CBR4: variants seen among roughly 807,000 people sequenced by gnomAD.
CBR4 encodes the protein 3-oxoacyl-[acyl-carrier-protein] reductase.
CBR4 carries 22 observed loss-of-function variants against 21.0 expected under a neutral mutation model. The ratio of observed to expected loss-of-function variants is 1.05; its 90% CI spans 0.75 to 1.50. The LOEUF is 1.50. Ranked by LOEUF, CBR4 falls within the 40% of genes most tolerant of loss-of-function variation. The pLI is 0.00. For missense variants in CBR4, 302 were observed against 286.3 expected (o/e 1.05, Z -0.40); for synonymous variants, 100 against 104.4 (o/e 0.96, Z 0.26).
chr4:168,929,577 A>C (rs1405982391), intron 2 of CBR4, among the ~76,000 whole-genome samples: 1 of 152,138 alleles, frequency 6.6e-6, no homozygotes, highest in Non-Finnish European at 1.5e-5. Flanking sequence ...CATCATGTAA[A>C]TTTAGTTTGA....
At chr4:168,925,376 G>GAGTT in intron 2 of CBR4, 3 of 901,420 alleles carry the variant, frequency 3.3e-6, no homozygotes, top group Non-Finnish European at 5.6e-6. Flanking sequence ...GCATCCTTAG[G>GAGTT]AGTTAACAGT....
At chr4:168,899,771 G>T (rs1582006529) in intron 2 of CBR4, among the ~76,000 whole-genome samples, 2 of 152,160 alleles carry the variant, frequency 1.3e-5, no homozygotes, top group Admixed American at 1.3e-4. Flanking sequence ...ACAAAAATTA[G>T]CTGGGCATGG....
chr4:168,989,225 G>T lies in CBR4; in HGVS notation c.*925C>A, dbSNP rs570783246. 1 of 974,570 alleles carries T rather than the reference G, an allele frequency of 1.0e-6. No homozygotes were observed. Among genetic ancestry groups the T allele is most frequent in the Admixed American group, 6.2e-5 (1 of 16,256 alleles). 60.4% of individuals were successfully genotyped at this position (974,570 alleles called of 1,614,324 possible). On this transcript the variant is annotated 3_prime_UTR_variant, in exon 5 of 5. Coordinates refer to ENST00000306193, the MANE Select transcript of CBR4 (RefSeq NM_032783.5). The stretch of plus-strand genomic sequence containing the variant: ...AAATACTCTTAATTTTTTAAATGTT[G>T]TATTTCTCGTTTTTAAATATTAATA...
At chr4:168,986,091 C>CG (rs974096075), downstream of CBR4, among the ~76,000 whole-genome samples, 146 of 149,670 alleles carry the variant, frequency 9.8e-4, 1 homozygote, top group East Asian at 2.7e-3. Flanking sequence ...AGAAAATATC[C>CG]GGGGGGGGAA....
chr4:168,925,102 C>T, intron 2 of CBR4: 1 of 1,612,804 alleles, frequency 6.2e-7, no homozygotes, highest in South Asian at 1.1e-5. Flanking sequence ...CATCTCATTT[C>T]ATTGCGTTTA....
chr4:168,930,659 C>T (rs979363736), intron 2 of CBR4, among the ~76,000 whole-genome samples: 20 of 152,120 alleles, frequency 1.3e-4, no homozygotes, highest in Non-Finnish European at 2.1e-4. Context: ...GGGGTAGCTG[C>T]GGTCACTGAA....
intron 2 of CBR4, among the ~76,000 whole-genome samples, chr4:168,901,373 G>A (rs1394051434): frequency 3.3e-5 from 5 of 152,142 alleles, no homozygotes; most frequent in East Asian, 1.9e-4. Flanking sequence ...GTGCCCTCCC[G>A]AATTTCTCCC....
chr4:168,926,438 C>T, intron 2 of CBR4: 1 of 1,286,218 alleles, frequency 7.8e-7, no homozygotes, highest in South Asian at 1.3e-5. Flanking sequence ...CCTTGACCAA[C>T]ATATTCCTTT....
intron 2 of CBR4, among the ~76,000 whole-genome samples, chr4:168,946,397 T>C (rs1164597347): frequency 6.6e-6 from 1 of 152,202 alleles, no homozygotes; most frequent in African/African-American, 2.4e-5. Context: ...TCAAATCTAT[T>C]TGCAAAATAA....
At chr4:168,984,290 A>T (rs1451526329), downstream of CBR4, among the ~76,000 whole-genome samples, 1 of 152,172 alleles carries the variant, frequency 6.6e-6, no homozygotes, top group Non-Finnish European at 1.5e-5. Context: ...CAAATAAAGA[A>T]GGCAATTCCA....
At chr4:168,933,114 T>C (rs1211196612) in intron 2 of CBR4, among the ~76,000 whole-genome samples, 1 of 152,026 alleles carries the variant, frequency 6.6e-6, no homozygotes, top group Admixed American at 6.5e-5. Flanking sequence ...GAAAGGAATA[T>C]ACAACCGGAA....
rs1167708887 is a variant in CBR4 at position 169,010,036 on chromosome 4, C to A, written c.54G>T (p.Val18=). 1 of 1,613,962 alleles carries A rather than the reference C, an allele frequency of 6.2e-7. No homozygotes were observed. The highest frequency in any genetic ancestry group is 1.7e-5 in the Admixed American group (1 of 59,994). Residue 18 remains valine (V), a synonymous_variant, in exon 1 of 5, where the codon GTG becomes GTT. Coordinates refer to ENST00000306193, the MANE Select transcript of CBR4 (RefSeq NM_032783.5). ...FGGSRGIGRA[V]AQLMARKGYR... ...AGCCTTTCCGGGCCATTAACTGGGCCACAGCTCTGCCAATGCCTCGGGAGC... is the reference window on the plus strand; with the variant it reads ...AGCCTTTCCGGGCCATTAACTGGGCAACAGCTCTGCCAATGCCTCGGGAGC...
chr4:168,963,380 G>A (rs1350729168), intron 2 of CBR4, among the ~76,000 whole-genome samples: 3 of 152,068 alleles, frequency 2.0e-5, no homozygotes, highest in African/African-American at 7.2e-5. Flanking sequence ...GAAGATAACA[G>A]AACACAGATG....
intron 2 of CBR4, among the ~76,000 whole-genome samples, chr4:168,935,944 C>A (rs1303616384): frequency 6.6e-6 from 1 of 152,194 alleles, no homozygotes; most frequent in East Asian, 1.9e-4. Flanking sequence ...AAGTGGGTCC[C>A]TGACCCCCAT....
chr4:168,992,225 A>C (rs1489993764), intron 4 of CBR4, among the ~76,000 whole-genome samples: 1 of 152,236 alleles, frequency 6.6e-6, no homozygotes, highest in Admixed American at 6.5e-5. Context: ...TGGTTAAATA[A>C]GTTATGATAC....
chr4:168,971,280 CTTTTT>C (rs1358090600), intron 2 of CBR4, among the ~76,000 whole-genome samples: 1 of 150,992 alleles, frequency 6.6e-6, no homozygotes, highest in African/African-American at 2.4e-5. Flanking sequence ...TATTTTTTAT[CTTTTT>C]TGAGACAGGG....
intron 2 of CBR4, among the ~76,000 whole-genome samples, chr4:168,976,942 G>A (rs984908878): frequency 1.3e-5 from 2 of 152,198 alleles, no homozygotes; most frequent in African/African-American, 4.8e-5. Flanking sequence ...GGGCTCAGAG[G>A]CCTGACACAT....
intron 2 of CBR4, among the ~76,000 whole-genome samples, chr4:168,919,871 C>T (rs745487288): frequency 1.3e-4 from 20 of 152,142 alleles, no homozygotes; most frequent in African/African-American, 1.7e-4. Context: ...CTTTACTTAG[C>T]CAGGAGAACT....
intron 4 of CBR4, among the ~76,000 whole-genome samples, chr4:168,993,315 A>C (rs1472771588): frequency 6.6e-6 from 1 of 150,526 alleles, no homozygotes; most frequent in African/African-American, 2.5e-5. Context: ...GGTTCAAGCG[A>C]CTCTCCTGCC....
Sources: gnomAD v4.1 joint callset for allele counts (sites outside exome capture counted in the v4.1 genomes callset) on GRCh38, gnomAD v4.1.1 for gene constraint, MANE v1.5 for transcripts, NCBI Gene and HGNC (gene_info 2026-07-23, HGNC 2026-07-21) for gene names.